Variants in NDUFAF5 observed in about 807,000 individuals in gnomAD.
NDUFAF5 encodes arginine-hydroxylase NDUFAF5, mitochondrial.
NDUFAF5 carries 34 observed loss-of-function variants against 48.9 expected under a neutral mutation model. The ratio of observed to expected loss-of-function variants is 0.70; its 90% CI spans 0.53 to 0.93. The LOEUF (loss-of-function observed/expected upper bound fraction) is 0.93, where lower values mean the gene tolerates loss of function less well. Ranked by LOEUF, NDUFAF5 falls within the 40% of genes least tolerant of loss-of-function variation. NDUFAF5 has a pLI of 0.00. For synonymous variants in NDUFAF5, 153 were observed against 150.6 expected (o/e 1.02, Z -0.12); for missense variants, 428 against 427.5 (o/e 1.00, Z -0.01).
chr20:13,787,770 C>T (rs1981449045), intron 2 of NDUFAF5, among the ~76,000 whole-genome samples: 1 of 152,154 alleles, frequency 6.6e-6, no homozygotes, highest in African/African-American at 2.4e-5. Flanking sequence ...AGGGATTCTC[C>T]AGCTATGTAC....
At position 13,785,079 on chromosome 20, in the gene NDUFAF5, C is replaced by T. The variant is rs776352728; in HGVS notation, c.11C>T (p.Pro4Leu). The T allele has an allele frequency of 3.1e-6, 5 of 1,611,744 alleles. No homozygotes were observed. In the South Asian group the frequency reaches 4.4e-5, roughly 14 times the overall value. The change falls in exon 1 of 11, where the codon CCG becomes CTG. Residue 4 changes from proline (P) to leucine (L), a missense_variant. Physicochemically the swap from Pro to Leu is moderately conservative, Grantham distance 98. Transcript: ENST00000378106. MLR[P>L]AGLWRLCRRP... ...GGGTCGCAGCTGGAGATGCTGCGGC[C>T]GGCAGGGCTCTGGCGCTTATGTCGG...
rs1381956675 is a variant in NDUFAF5 at position 13,794,857 on chromosome 20, A to G, written c.395A>G (p.Glu132Gly). 6.2e-7 allele frequency: 1 copy of G among 1,610,582 alleles called. No individual in the cohort carries two copies. Among genetic ancestry groups the G allele is most frequent in the Admixed American group, 1.7e-5 (1 of 60,028 alleles). ...CATTAGAAAAATTCCTCAGAAACAG[A>G]AATACCTACTGTCAGCGTTTTAGCT... ...ENALKNSSET[E>G]IPTVSVLADE... The change falls in exon 5 of 11, where the codon GAA becomes GGA. Residue 132 changes from glutamate to glycine, a missense_variant. By Grantham distance (98) the Glu-to-Gly change is moderately conservative (BLOSUM62 -2). Coordinates refer to ENST00000378106, the MANE Select transcript of NDUFAF5 (RefSeq NM_024120.5).
At chr20:13,811,318 T>G (rs1235132054) in intron 8 of NDUFAF5, among the ~76,000 whole-genome samples, 1 of 152,166 alleles carries the variant, frequency 6.6e-6, no homozygotes, top group African/African-American at 2.4e-5. Context: ...TTGATGATTT[T>G]GGAAGTAAAG....
intron 8 of NDUFAF5, 76 bp from the exon 9 acceptor site, chr20:13,816,387 C>G: frequency 3.1e-6 from 3 of 961,750 alleles, no homozygotes; most frequent in Non-Finnish European, 5.1e-6. Context: ...TTAGATGAGA[C>G]GGGATTAAGT....
Position 13,801,483 on chromosome 20 carries a change from C to G in NDUFAF5, c.520-3C>G, listed in dbSNP as rs1457390957. The G allele has an allele frequency of 6.3e-7, 1 of 1,586,956 alleles. No homozygotes were observed. Among genetic ancestry groups the G allele is most frequent in the Non-Finnish European group, 8.6e-7 (1 of 1,160,000 alleles). On this transcript the variant is annotated splice_region_variant and splice_polypyrimidine_tract_variant and intron_variant, in intron 6 of 10. Transcript: ENST00000378106. ...TCATTTTGTTTTCTTGTATTTATTA[C>G]AGATTCATTATATTTTAAAACCAGA...
chr20:13,787,504 G>A (rs981091936), intron 2 of NDUFAF5, 152 bp downstream of exon 2: 16 of 794,106 alleles, frequency 2.0e-5, no homozygotes, highest in African/African-American at 1.3e-4. Context: ...CCTTTTTCTT[G>A]TCTGGAGAGC....
intron 8 of NDUFAF5, among the ~76,000 whole-genome samples, chr20:13,811,959 A>G (rs1434461129): frequency 6.6e-6 from 1 of 152,248 alleles, no homozygotes; most frequent in Non-Finnish European, 1.5e-5. Flanking sequence ...AGAGGATTAT[A>G]CAAATAAGTA....
At chr20:13,786,218 T>C (rs1345162852) in intron 1 of NDUFAF5, among the ~76,000 whole-genome samples, 1 of 152,238 alleles carries the variant, frequency 6.6e-6, no homozygotes, top group African/African-American at 2.4e-5. Flanking sequence ...AACTCATAGC[T>C]TGAGCAGAGC....
Position 13,785,296 on chromosome 20 carries a change from C to A in NDUFAF5, c.222+6C>A, listed in dbSNP as rs758302913. On this transcript the variant is annotated splice_donor_region_variant and intron_variant, in intron 1 of 10. Coordinates refer to ENST00000378106, the MANE Select transcript of NDUFAF5 (RefSeq NM_024120.5). ...TTGACTACCTGAAGGAGGAGGTGAGCCCGCGGGGCGGCGGGGCGGCGGGGC... is the reference window on the plus strand; with the variant it reads ...TTGACTACCTGAAGGAGGAGGTGAGACCGCGGGGCGGCGGGGCGGCGGGGC... The A allele has an allele frequency of 2.0e-6, 3 of 1,484,804 alleles. No homozygotes were observed. The highest frequency in any genetic ancestry group is 1.4e-5 in the African/African-American group (1 of 73,502). 92.0% of individuals were successfully genotyped at this position (1,484,804 alleles called of 1,614,324 possible). A position where few individuals can be genotyped will look rare whatever the true frequency, so the allele number is the denominator to read the frequency against.
At chr20:13,808,800 A>G (rs776342911) in intron 7 of NDUFAF5, 42 bp from the exon 8 acceptor site, 31 of 1,353,324 alleles carry the variant, frequency 2.3e-5, no homozygotes, top group Admixed American at 3.4e-5. Flanking sequence ...GGAATTTTGT[A>G]TCATGAATGT....
At chr20:13,809,375 T>C (rs781392120) in intron 8 of NDUFAF5, among the ~76,000 whole-genome samples, 1 of 152,064 alleles carries the variant, frequency 6.6e-6, no homozygotes, top group Non-Finnish European at 1.5e-5. Context: ...TCTGAGGAAG[T>C]AGCAATTGAG....
chr20:13,786,832 C>T (rs1289724198), intron 1 of NDUFAF5, among the ~76,000 whole-genome samples: 1 of 152,168 alleles, frequency 6.6e-6, no homozygotes, highest in Non-Finnish European at 1.5e-5. Flanking sequence ...TTGCGAATGT[C>T]ACTCAGAAAA....
intron 3 of NDUFAF5, among the ~76,000 whole-genome samples, chr20:13,789,621 G>A (rs1042517491): frequency 6.6e-6 from 1 of 151,974 alleles, no homozygotes; most frequent in Admixed American, 6.6e-5. Context: ...GTCTACAGGT[G>A]CCCGCCACCA....
rs1157485007 is a variant in NDUFAF5 at position 13,785,125 on chromosome 20, C to T, written c.57C>T (p.Val19=). The stretch of plus-strand genomic sequence containing the variant: ...GTCGGCGACCTTGGGCGGCGAGGGT[C>T]CCAGCGGAGAATCTTGGCCGTAGGG... ...RLCRRPWAAR[V]PAENLGRREV... is the part of the protein sequence containing the mutation. Residue 19 remains valine (V), a synonymous_variant, in exon 1 of 11, where the codon GTC becomes GTT. Transcript: ENST00000378106. 6.2e-7 allele frequency: 1 copy of T among 1,613,750 alleles called. No homozygotes were observed. Among genetic ancestry groups the T allele is most frequent in the Non-Finnish European group, 8.5e-7 (1 of 1,179,976 alleles).
In NDUFAF5 at chr20:13,801,564, T is replaced by C. The variant is rs374576589; in HGVS notation, c.598T>C (p.Ser200Pro). The part of the protein sequence containing the change: ...GGDTLYELRC[S>P]LQLAETEREG... ...CGACACACTCTATGAACTTCGGTGTTCCTTACAGTTAGCGGAAACGGAAAG... is the reference window on the plus strand; with the variant it reads ...CGACACACTCTATGAACTTCGGTGTCCCTTACAGTTAGCGGAAACGGAAAG... The change falls in exon 7 of 11, where the codon TCC (serine) becomes CCC (proline). Residue 200 changes from serine (S) to proline (P), a missense_variant. Transcript: ENST00000378106. The C allele has an allele frequency of 1.2e-6, 2 of 1,614,052 alleles. No individual in the cohort carries two copies. Among genetic ancestry groups the C allele is most frequent in the Non-Finnish European group, 1.7e-6 (2 of 1,179,964 alleles).
intron 8 of NDUFAF5, among the ~76,000 whole-genome samples, chr20:13,810,978 T>C (rs1167427236): frequency 2.0e-5 from 3 of 152,054 alleles, no homozygotes; most frequent in African/African-American, 7.2e-5. Flanking sequence ...TTATAGGGAA[T>C]GAGAAGGTGA....
At chr20:13,807,356 C>A (rs1307928577) in intron 7 of NDUFAF5, among the ~76,000 whole-genome samples, 1 of 152,128 alleles carries the variant, frequency 6.6e-6, no homozygotes, top group Non-Finnish European at 1.5e-5. Context: ...CTCCTCCTGA[C>A]TTCTCAAACC....
intron 5 of NDUFAF5, among the ~76,000 whole-genome samples, chr20:13,795,292 A>G (rs890596666): frequency 1.3e-5 from 2 of 152,184 alleles, no homozygotes; most frequent in African/African-American, 4.8e-5. Context: ...TTCAAATGTT[A>G]GAGCAATTCC....
Position 13,793,234 on chromosome 20 carries a change from A to C in NDUFAF5, c.375+7A>C, listed in dbSNP as rs767791662. 1 of 1,610,812 alleles carries C rather than the reference A, an allele frequency of 6.2e-7. No homozygotes were observed. Among genetic ancestry groups the C allele is most frequent in the Non-Finnish European group, 8.5e-7 (1 of 1,177,330 alleles). Reference sequence around the variant, plus strand: ...CATTGCAGAAAATGCTTTGGTAGGTAGCTTTTTAATACTGTTGGTTTCTAA... The same window carrying C: ...CATTGCAGAAAATGCTTTGGTAGGTCGCTTTTTAATACTGTTGGTTTCTAA... On this transcript the variant is annotated splice_region_variant and intron_variant, in intron 4 of 10. Coordinates refer to ENST00000378106, the MANE Select transcript of NDUFAF5 (RefSeq NM_024120.5).
Sources: allele counts gnomAD v4.1 joint callset (sites outside exome capture counted in the v4.1 genomes callset), GRCh38; gene constraint gnomAD v4.1.1; transcripts MANE v1.5; gene names NCBI Gene and HGNC (gene_info 2026-07-23, HGNC 2026-07-21).